Variants in SORL1 observed in about 807,000 individuals in gnomAD.
SORL1 encodes sortilin-related receptor.
SORL1 carries 127 observed loss-of-function variants against 273.7 expected under a neutral mutation model. The ratio of observed to expected loss-of-function variants is 0.46; its 90% CI spans 0.40 to 0.54. The LOEUF (loss-of-function observed/expected upper bound fraction) is 0.54. SORL1 is among the 20% of genes least tolerant of loss of function. SORL1 has a pLI of 0.00. For missense variants in SORL1, 2,494 were observed against 2,846.1 expected (o/e 0.88, Z 2.81); for synonymous variants, 1,031 against 1,067.4 (o/e 0.97, Z 0.66).
intron 1 of SORL1, 95 bp from the exon 2 acceptor site, chr11:121,469,912 C>T: frequency 1.1e-6 from 1 of 911,328 alleles, no homozygotes; most frequent in Middle Eastern, 2.2e-4. Context: ...GAATCTTCAT[C>T]ATTTCTGCTT....
Position 121,528,358 on chromosome 11 carries a change from C to T in SORL1, c.1597-4106C>T, listed in dbSNP as rs537642296. ...CCTGTGATCCCAGTTACTCTGGGGGCTGAGGTGGGAGGCTCACTTGAGCCC... is the reference window on the plus strand; with the variant it reads ...CCTGTGATCCCAGTTACTCTGGGGGTTGAGGTGGGAGGCTCACTTGAGCCC... On this transcript the variant is annotated intron_variant, in intron 11 of 47. Coordinates refer to ENST00000260197, the MANE Select transcript of SORL1 (RefSeq NM_003105.6). Among the ~76,000 whole-genome samples the T allele has an allele frequency of 2.0e-5, 3 of 152,172 alleles. No individual in the cohort carries two copies. In the East Asian group the frequency reaches 5.8e-4, roughly 29 times the overall value.
intron 5 of SORL1, among the ~76,000 whole-genome samples, chr11:121,496,260 A>G (rs1363935304): frequency 6.6e-6 from 1 of 152,232 alleles, no homozygotes; most frequent in Non-Finnish European, 1.5e-5. Flanking sequence ...AGTGGGAGAA[A>G]GGTGCCCTCC....
At chr11:121,457,205 C>T (rs1591541654) in intron 1 of SORL1, among the ~76,000 whole-genome samples, 2 of 151,530 alleles carry the variant, frequency 1.3e-5, no homozygotes, top group Non-Finnish European at 2.9e-5. Flanking sequence ...GGAGGCTTTG[C>T]GAGGGGGAAG....
chr11:121,492,550 T>C (rs893970714), intron 5 of SORL1, among the ~76,000 whole-genome samples: 2 of 152,180 alleles, frequency 1.3e-5, no homozygotes, highest in Admixed American at 6.6e-5. Context: ...TTCAATAGAA[T>C]GAAAGCTTCC....
intron 6 of SORL1, among the ~76,000 whole-genome samples, chr11:121,498,705 G>A (rs1399730404): frequency 2.6e-5 from 4 of 151,986 alleles, no homozygotes; most frequent in African/African-American, 9.7e-5. Flanking sequence ...GTGAAACCCC[G>A]TCTCTACTAA....
In SORL1 at chr11:121,611,148, G is replaced by C; in HGVS notation, c.5312G>C (p.Ser1771Thr). ...NYLSFTLTME[S>T]DIKVNGYVVN... Reference sequence around the variant, plus strand: ...CTAAGCTTCACCCTGACCATGGAGAGTGATATCAAGGTAATGTGGGAATTT... The same window carrying C: ...CTAAGCTTCACCCTGACCATGGAGACTGATATCAAGGTAATGTGGGAATTT... Residue 1771 changes from serine (S) to threonine (T), a missense_variant, in exon 39 of 48, where the codon AGT becomes ACT. Ser to Thr is a moderately conservative substitution (Grantham distance 58). Around this residue, in one of 3 missense-constraint regions of SORL1, gnomAD observed 1,609 missense variants for 1,816.4 expected, o/e 0.89. Coordinates refer to ENST00000260197, the MANE Select transcript of SORL1 (RefSeq NM_003105.6). The C allele has an allele frequency of 6.2e-7, 1 of 1,608,432 alleles. No individual in the cohort carries two copies. The highest frequency in any genetic ancestry group is 1.1e-5 in the South Asian group (1 of 90,906).
Position 121,478,230 on chromosome 11 carries a change from C to G in SORL1, c.515C>G (p.Ala172Gly). The change falls in exon 3 of 48, where the codon GCG becomes GGG. Residue 172 changes from alanine (A) to glycine (G), a missense_variant. Around this residue, in one of 3 missense-constraint regions of SORL1, gnomAD observed 710 missense variants for 882.5 expected, o/e 0.80. Transcript: ENST00000260197. ...ATCGCCCAGTTCTACCACAGCCCTG[C>G]GGACAACAAGCGGGTAAGGAAGTGG... ...AVIAQFYHSP[A>G]DNKRYIFADA... The G allele has an allele frequency of 6.2e-7, 1 of 1,613,916 alleles. No individual in the cohort carries two copies.
In SORL1 at chr11:121,630,470, AGAG is replaced by A. The variant is rs1863859478; in HGVS notation, c.*908_*910del. On this transcript the variant is annotated 3_prime_UTR_variant, in exon 48 of 48. Transcript: ENST00000260197. ...TGCCATGATCCATACACTGGCTAAT[AGAG>A]TACATAATTTTTCCATTTTCCATTT... 6.6e-6 allele frequency: 1 copy of A among 152,214 alleles called. No homozygotes were observed. The highest frequency in any genetic ancestry group is 2.4e-5 in the African/African-American group (1 of 41,446). The allele number at this position is 152,214 out of a possible 1,614,324, so 9.4% of individuals were successfully genotyped here. A position where few individuals can be genotyped will look rare whatever the true frequency, so the allele number is the denominator to read the frequency against.
intron 22 of SORL1, among the ~76,000 whole-genome samples, chr11:121,569,177 T>C (rs1011064877): frequency 5.3e-5 from 8 of 152,244 alleles, no homozygotes; most frequent in African/African-American, 1.9e-4. Flanking sequence ...CTGTCTTTAC[T>C]TTAATCTCTT....
At chr11:121,555,857 A>T (rs577364588) in intron 18 of SORL1, among the ~76,000 whole-genome samples, 1 of 151,990 alleles carries the variant, frequency 6.6e-6, no homozygotes, top group South Asian at 2.1e-4. Context: ...AGTGACCTCT[A>T]AACTGCCAAA....
At position 121,452,783 on chromosome 11, in the gene SORL1, G is replaced by T. The variant is rs1322865974; in HGVS notation, c.285+167G>T. 3.6e-6 allele frequency: 2 copies of T among 548,296 alleles called. No homozygotes were observed. The highest frequency in any genetic ancestry group is 7.0e-5 in the East Asian group (2 of 28,490). 34.0% of individuals were successfully genotyped at this position (548,296 alleles called of 1,614,324 possible). On this transcript the variant is annotated intron_variant, in intron 1 of 47. Transcript: ENST00000260197. This position sits in a 1 kb window ranked among gnomAD's most constrained non-coding sequence, Gnocchi z 5.3. The stretch of plus-strand genomic sequence containing the variant: ...GAGTACAACCGTCAGCACTTGAATC[G>T]CATTGATCTTTCCTTCTTCCTGTCG...
intron 11 of SORL1, among the ~76,000 whole-genome samples, chr11:121,527,458 T>TC (rs1296571193): frequency 1.1e-4 from 16 of 152,110 alleles, no homozygotes; most frequent in Non-Finnish European, 2.2e-4. Context: ...TAATTTGTTT[T>TC]TTTTTGTAAA....
At chr11:121,614,295 T>C in intron 40 of SORL1, 1 of 152,278 alleles carries the variant, frequency 6.6e-6, no homozygotes, top group East Asian at 1.9e-4. Flanking sequence ...TTATATCTTT[T>C]TTCTAAAATC....
intron 32 of SORL1, among the ~76,000 whole-genome samples, chr11:121,598,441 C>T (rs1863334224): frequency 6.6e-6 from 1 of 152,170 alleles, no homozygotes; most frequent in South Asian, 2.1e-4. Context: ...TCGCAGCTTT[C>T]CCTGGGTGGG....
chr11:121,513,783 G>A (rs1251056540), intron 7 of SORL1, among the ~76,000 whole-genome samples: 1 of 152,062 alleles, frequency 6.6e-6, no homozygotes, highest in Non-Finnish European at 1.5e-5. Flanking sequence ...GCTTTCCTTT[G>A]GTCACCTTAG....
Position 121,627,502 on chromosome 11 carries a change from G to T in SORL1, c.6365-53G>T. On this transcript the variant is annotated intron_variant, in intron 46 of 47. Transcript: ENST00000260197. This position sits in a 1 kb window ranked among gnomAD's most constrained non-coding sequence, Gnocchi z 4.9. ...GGGTGGGGCCTTGAGGAGTCATCTG[G>T]TCTGTTCTCCTGCCCTCAGGTGGGC... The T allele has an allele frequency of 1.3e-6, 2 of 1,487,330 alleles. No individual in the cohort carries two copies. Among genetic ancestry groups the T allele is most frequent in the Middle Eastern group, 1.7e-4 (1 of 5,834 alleles). 92.1% of individuals were successfully genotyped at this position (1,487,330 alleles called of 1,614,324 possible).
In SORL1 at chr11:121,618,861, A is replaced by T. The variant is rs1163800086; in HGVS notation, c.5692A>T (p.Ile1898Phe). 2 of 1,614,172 alleles carry T rather than the reference A, an allele frequency of 1.2e-6. No individual in the cohort carries two copies. Among genetic ancestry groups the T allele is most frequent in the East Asian group, 4.5e-5 (2 of 44,884 alleles). Residue 1898 changes from isoleucine to phenylalanine, a missense_variant, in exon 42 of 48, where the codon ATT (isoleucine) becomes TTT (phenylalanine). Physicochemically the swap from Ile to Phe is conservative, Grantham distance 21 (BLOSUM62 0). Coordinates refer to ENST00000260197, the MANE Select transcript of SORL1 (RefSeq NM_003105.6). ...LTTSLHNKTV[I>F]VSKDEQYLFL... is the part of the protein sequence containing the mutation. ...TACTTCACTCCACAACAAGACGGTC[A>T]TTGTCAGTAAGGATGAGCAGTATTT...
intron 1 of SORL1, among the ~76,000 whole-genome samples, chr11:121,456,009 AG>A (rs1266039861): frequency 2.0e-5 from 3 of 151,014 alleles, no homozygotes; most frequent in African/African-American, 2.4e-5. Flanking sequence ...AAAAAAAAAA[AG>A]GCAAAGTTTA....
chr11:121,574,434 C>A, intron 24 of SORL1, 71 bp downstream of exon 24: 1 of 1,386,874 alleles, frequency 7.2e-7, no homozygotes, highest in Non-Finnish European at 1.0e-6. Flanking sequence ...CAGGGCTGTA[C>A]TGGTATGTAC....
Sources: gnomAD v4.1 joint callset for allele counts (sites outside exome capture counted in the v4.1 genomes callset) on GRCh38, gnomAD v4.1.1 for gene constraint, gnomAD v4.1.1 regional missense constraint, Gnocchi (gnomAD v3.1) non-coding constraint, MANE v1.5 for transcripts, NCBI Gene and HGNC (gene_info 2026-07-23, HGNC 2026-07-21) for gene names.